EXOC2: variants seen among roughly 807,000 people sequenced by gnomAD.
The protein encoded by EXOC2 is exocyst complex component 2.
EXOC2 carries 70 observed loss-of-function variants against 131.8 expected under a neutral mutation model. The ratio of observed to expected loss-of-function variants is 0.53; its 90% CI spans 0.44 to 0.65. The LOEUF (loss-of-function observed/expected upper bound fraction) is 0.65, where lower values mean the gene tolerates loss of function less well. Among genes scored for constraint, EXOC2 ranks in the 30% least tolerant of loss-of-function variants. The probability of loss-of-function intolerance (pLI) is 0.00; values close to 1 mark genes in which losing one functional copy is unlikely to be tolerated. For missense variants in EXOC2, 923 were observed against 1,108.6 expected (o/e 0.83, Z 2.38); for synonymous variants, 411 against 398.4 (o/e 1.03, Z -0.38).
At position 685,899 on chromosome 6, in the gene EXOC2, G is replaced by A. The variant is rs150210316; in HGVS notation, c.-44+7120C>T. Among the ~76,000 whole-genome samples, 724 of 110,542 alleles carry A rather than the reference G, an allele frequency of 6.5e-3. 12 individuals are homozygous for A. Among genetic ancestry groups the A allele is most frequent in the African/African-American group, 0.024 (687 of 29,204 alleles). The allele number at this position is 110,542 out of a possible 152,430, so 72.5% of individuals were successfully genotyped here. A position where few individuals can be genotyped will look rare whatever the true frequency, so the allele number is the denominator to read the frequency against. On this transcript the variant is annotated intron_variant, in intron 1 of 27. Coordinates refer to ENST00000230449, the MANE Select transcript of EXOC2 (RefSeq NM_018303.6). ...TTTTTTTTTTTTTTTTTTTTGAGACGGAGTCTTGCTCTGTCGCCAGGTTGG... is the reference window on the plus strand; with the variant it reads ...TTTTTTTTTTTTTTTTTTTTGAGACAGAGTCTTGCTCTGTCGCCAGGTTGG...
chr6:557,549 C>T lies in EXOC2; in HGVS notation c.1852-985G>A, dbSNP rs533793955. On this transcript the variant is annotated intron_variant, in intron 17 of 27. Transcript: ENST00000230449. ...AGGAGAATCGCTTGAACCTAGGAGG[C>T]GGAGGTTGCAGTGAGCCAAGATTGC... 1.9e-3 allele frequency among the ~76,000 whole-genome samples: 250 copies of T among 134,896 alleles called. 2 individuals are homozygous for T. Among genetic ancestry groups the T allele is most frequent in the African/African-American group, 5.5e-3 (200 of 36,060 alleles). The allele number at this position is 134,896 out of a possible 152,430, so 88.5% of individuals were successfully genotyped here. A position where few individuals can be genotyped will look rare whatever the true frequency, so the allele number is the denominator to read the frequency against.
chr6:614,248 T>C (rs571676886), intron 6 of EXOC2, among the ~76,000 whole-genome samples: 1 of 152,190 alleles, frequency 6.6e-6, no homozygotes, highest in South Asian at 2.1e-4. Flanking sequence ...AATATCAGCC[T>C]GATCTGAGGG....
intron 25 of EXOC2, among the ~76,000 whole-genome samples, chr6:492,299 C>T (rs1763480865): frequency 6.6e-6 from 1 of 152,170 alleles, no homozygotes. Context: ...TTGGAACCCT[C>T]AAAAATTGCT....
chr6:626,360 T>C (rs1032003637), intron 4 of EXOC2, among the ~76,000 whole-genome samples: 11 of 152,178 alleles, frequency 7.2e-5, no homozygotes, highest in African/African-American at 2.4e-4. Context: ...AAAATATTTA[T>C]TAAACTCTGA....
At chr6:599,345 C>T (rs1053673831) in intron 7 of EXOC2, 120 bp from the exon 8 acceptor site, 2 of 974,714 alleles carry the variant, frequency 2.1e-6, no homozygotes, top group East Asian at 2.7e-5. Flanking sequence ...AAAACTCAGA[C>T]TGTTTTTCAG....
chr6:617,894 A>T, intron 5 of EXOC2, 59 bp from the exon 6 acceptor site: 1 of 1,579,232 alleles, frequency 6.3e-7, no homozygotes, highest in South Asian at 1.2e-5. Context: ...AAGAAAAAAT[A>T]ATTCCTTCAG....
At chr6:555,313 A>G (rs759001957) in intron 19 of EXOC2, 25 bp from the exon 20 acceptor site, 2 of 1,477,504 alleles carry the variant, frequency 1.4e-6, no homozygotes, top group Non-Finnish European at 1.8e-6. Context: ...AAGTTTCAGA[A>G]CTCTCAGAGG....
At chr6:529,279 G>A (rs759146561) in intron 23 of EXOC2, among the ~76,000 whole-genome samples, 19 of 152,338 alleles carry the variant, frequency 1.2e-4, no homozygotes, top group Non-Finnish European at 2.4e-4. Context: ...ACCTTGGAGC[G>A]GGTGGATGGG....
At chr6:627,974 G>T (rs1216995187) in intron 4 of EXOC2, among the ~76,000 whole-genome samples, 1 of 152,080 alleles carries the variant, frequency 6.6e-6, no homozygotes, top group Non-Finnish European at 1.5e-5. Context: ...TTAGTACCCT[G>T]GAATCTTAAG....
At chr6:607,902 G>T (rs1192983307) in intron 7 of EXOC2, among the ~76,000 whole-genome samples, 1 of 151,972 alleles carries the variant, frequency 6.6e-6, no homozygotes, top group Non-Finnish European at 1.5e-5. Context: ...GATAAACTCT[G>T]AATAAATGAC....
intron 13 of EXOC2, among the ~76,000 whole-genome samples, chr6:567,552 A>G (rs1029328972): frequency 6.6e-6 from 1 of 152,218 alleles, no homozygotes; most frequent in African/African-American, 2.4e-5. Flanking sequence ...TTTATATTGT[A>G]GATATGTATA....
rs546230086 is a variant in EXOC2 at position 573,794 on chromosome 6, G to A, written c.1319-1150C>T. ...AAATGACACCTGAAAGGTACACAGTGAAAAGTCTACCTCCTGCCCCTCCAC... is the reference window on the plus strand; with the variant it reads ...AAATGACACCTGAAAGGTACACAGTAAAAAGTCTACCTCCTGCCCCTCCAC... On this transcript the variant is annotated intron_variant, in intron 12 of 27. Transcript: ENST00000230449. 9.9e-5 allele frequency among the ~76,000 whole-genome samples: 15 copies of A among 152,186 alleles called. No individual in the cohort carries two copies. In the South Asian group the frequency reaches 2.1e-3, roughly 21 times the overall value.
At chr6:514,696 A>T (rs948687483) in intron 23 of EXOC2, among the ~76,000 whole-genome samples, 2 of 152,184 alleles carry the variant, frequency 1.3e-5, no homozygotes, top group African/African-American at 4.8e-5. Flanking sequence ...CCTGGGGCAG[A>T]TGTCTATGGG....
At chr6:486,814 G>T in intron 27 of EXOC2, 50 bp from the exon 28 acceptor site, 2 of 1,489,996 alleles carry the variant, frequency 1.3e-6, no homozygotes, top group Non-Finnish European at 1.9e-6. Flanking sequence ...GGGCGGCCTA[G>T]CAACGCAAGA....
At chr6:639,030 A>G (rs1302104379) in intron 1 of EXOC2, among the ~76,000 whole-genome samples, 1 of 152,182 alleles carries the variant, frequency 6.6e-6, no homozygotes, top group Non-Finnish European at 1.5e-5. Flanking sequence ...AGAGCAGAAC[A>G]GTGAGACTTG....
At position 637,417 on chromosome 6, in the gene EXOC2, T is replaced by C. The variant is rs147403937; in HGVS notation, c.118+284A>G. 2.6e-3 allele frequency among the ~76,000 whole-genome samples: 397 copies of C among 152,322 alleles called. 1 individual carries two copies. Among genetic ancestry groups the C allele is most frequent in the African/African-American group, 8.6e-3 (356 of 41,578 alleles). On this transcript the variant is annotated intron_variant, in intron 2 of 27. Transcript: ENST00000230449. ...AGCAAAACTATAAAAGCAGCTCTTT[T>C]GACAATCAAGACATCAAAGCTTCAG...
intron 11 of EXOC2, among the ~76,000 whole-genome samples, chr6:590,355 C>T (rs1759473275): frequency 6.6e-6 from 1 of 151,744 alleles, no homozygotes; most frequent in South Asian, 2.1e-4. Flanking sequence ...GCAGAGATAC[C>T]TGGGTTTTCT....
In EXOC2 at chr6:605,892, G is replaced by A. The variant is rs370367922; in HGVS notation, c.742+4206C>T. On this transcript the variant is annotated intron_variant, in intron 7 of 27. Coordinates refer to ENST00000230449, the MANE Select transcript of EXOC2 (RefSeq NM_018303.6). ...CTTTAAATGTGTCCCAGAGATTCTG[G>A]TATGTTGTGTCTTTGTTCTTGTTGG... Among the ~76,000 whole-genome samples, 573 of 152,254 alleles carry A rather than the reference G, an allele frequency of 3.8e-3. 3 individuals carry two copies. Among genetic ancestry groups the A allele is most frequent in the African/African-American group, 0.013 (550 of 41,530 alleles).
chr6:658,629 A>AATATATATATATATTTTATATATATAT (rs1270215774), intron 1 of EXOC2, among the ~76,000 whole-genome samples: 5 of 119,910 alleles, frequency 4.2e-5, no homozygotes, highest in African/African-American at 1.3e-4. Flanking sequence ...GGATATTTAA[A>AATATATATATATATTTTATATATATAT]ATATATATAT....
Sources: gnomAD v4.1 joint callset for allele counts (sites outside exome capture counted in the v4.1 genomes callset) on GRCh38, gnomAD v4.1.1 for gene constraint, MANE v1.5 for transcripts, NCBI Gene and HGNC (gene_info 2026-07-23, HGNC 2026-07-21) for gene names.